DNER: variants seen among roughly 807,000 people sequenced by gnomAD.
DNER encodes the protein delta/notch like EGF repeat containing, also known as delta and Notch-like epidermal growth factor-related receptor.
DNER carries 33 observed loss-of-function variants against 78.2 expected under a neutral mutation model. That is an observed-to-expected ratio of 0.42 (90% CI 0.32 to 0.56). The LOEUF is 0.56. Among genes scored for constraint, DNER ranks in the 20% least tolerant of loss-of-function variants. The probability of loss-of-function intolerance (pLI) is 0.11; values close to 1 mark genes in which losing one functional copy is unlikely to be tolerated. For missense variants in DNER, 918 were observed against 975.3 expected (o/e 0.94, Z 0.78); for synonymous variants, 417 against 384.8 (o/e 1.08, Z -0.98).
intron 7 of DNER, among the ~76,000 whole-genome samples, chr2:229,452,359 G>A (rs1235193770): frequency 6.6e-6 from 1 of 152,158 alleles, no homozygotes; most frequent in Non-Finnish European, 1.5e-5. Flanking sequence ...AGAGCCCAGA[G>A]ACACAATGTA....
chr2:229,491,636 C>T (rs1454858855), intron 6 of DNER, among the ~76,000 whole-genome samples: 1 of 152,168 alleles, frequency 6.6e-6, no homozygotes, highest in Non-Finnish European at 1.5e-5. Flanking sequence ...GAGGCTTTAC[C>T]TAGTCAACCT....
Position 229,680,915 on chromosome 2 carries a change from A to G in DNER, c.276+33233T>C, listed in dbSNP as rs371485684. 1.1e-4 allele frequency among the ~76,000 whole-genome samples: 17 copies of G among 152,340 alleles called. No homozygotes were observed. The East Asian group carries it at 2.5e-3, about 22-fold the overall frequency. ...TGTTCTAGGCACTGCTATAGTAATT[A>G]TGGATACTGATGAAGTCTGCTTTCA... On this transcript the variant is annotated intron_variant, in intron 1 of 12. Coordinates refer to ENST00000341772, the MANE Select transcript of DNER (RefSeq NM_139072.4).
intron 12 of DNER, among the ~76,000 whole-genome samples, chr2:229,362,387 T>C (rs1404408206): frequency 6.6e-6 from 1 of 152,216 alleles, no homozygotes; most frequent in African/African-American, 2.4e-5. Flanking sequence ...GCAACCTTCA[T>C]GCATGTGACG....
chr2:229,542,884 C>T (rs565628806), intron 5 of DNER, among the ~76,000 whole-genome samples: 5 of 151,966 alleles, frequency 3.3e-5, no homozygotes, highest in South Asian at 2.1e-4. Flanking sequence ...CAAGGTGGTG[C>T]GTCTTAGAAT....
At chr2:229,649,095 G>C (rs1698768570) in intron 1 of DNER, among the ~76,000 whole-genome samples, 1 of 152,214 alleles carries the variant, frequency 6.6e-6, no homozygotes, top group African/African-American at 2.4e-5. Context: ...GACGAGGAGA[G>C]AGGAGGAGGC....
intron 5 of DNER, among the ~76,000 whole-genome samples, chr2:229,524,323 T>G (rs1696158349): frequency 6.6e-6 from 1 of 152,190 alleles, no homozygotes; most frequent in Admixed American, 6.5e-5. Context: ...AGGCCTCACT[T>G]CCGTAATAGG....
At chr2:229,544,294 G>A (rs1696575578) in intron 5 of DNER, among the ~76,000 whole-genome samples, 1 of 152,088 alleles carries the variant, frequency 6.6e-6, no homozygotes. Flanking sequence ...TTGGCCTCCT[G>A]GAAGGAGCCT....
chr2:229,421,987 C>T (rs1453981603), intron 8 of DNER, among the ~76,000 whole-genome samples: 1 of 152,092 alleles, frequency 6.6e-6, no homozygotes, highest in Admixed American at 6.6e-5. Flanking sequence ...TCTTTTTATA[C>T]TAGCAATATG....
At chr2:229,437,026 C>A (rs1036987965) in intron 8 of DNER, among the ~76,000 whole-genome samples, 7 of 152,150 alleles carry the variant, frequency 4.6e-5, no homozygotes, top group Admixed American at 3.3e-4. Context: ...AAGCAAAACC[C>A]AATGGTATGC....
intron 8 of DNER, among the ~76,000 whole-genome samples, chr2:229,437,126 A>G (rs894218402): frequency 2.0e-5 from 3 of 152,240 alleles, no homozygotes; most frequent in African/African-American, 7.2e-5. Flanking sequence ...CAGAAAACAT[A>G]AAAAGGCAGG....
chr2:229,472,731 T>C (rs1223993895), intron 7 of DNER, among the ~76,000 whole-genome samples: 1 of 152,232 alleles, frequency 6.6e-6, no homozygotes, highest in Non-Finnish European at 1.5e-5. Flanking sequence ...GCTGTTATCA[T>C]TCAATTAGGT....
At chr2:229,595,837 C>T (rs1389661420) in intron 1 of DNER, among the ~76,000 whole-genome samples, 1 of 152,202 alleles carries the variant, frequency 6.6e-6, no homozygotes, top group African/African-American at 2.4e-5. Flanking sequence ...TGATGAGGAG[C>T]CTGCTTAACA....
chr2:229,575,899 A>G (rs1241901407), intron 4 of DNER, among the ~76,000 whole-genome samples: 1 of 152,224 alleles, frequency 6.6e-6, no homozygotes, highest in Non-Finnish European at 1.5e-5. Flanking sequence ...TTGATTGCTG[A>G]CAATATTAAT....
At chr2:229,388,140 A>T (rs751608883) in intron 11 of DNER, 125 bp downstream of exon 11, 30 of 1,390,602 alleles carry the variant, frequency 2.2e-5, no homozygotes, top group Non-Finnish European at 2.8e-5. Context: ...TCTGGGACTC[A>T]CTGCCTCATC....
At chr2:229,508,447 CA>C (rs1695787874) in intron 6 of DNER, among the ~76,000 whole-genome samples, 1 of 152,034 alleles carries the variant, frequency 6.6e-6, no homozygotes, top group South Asian at 2.1e-4. Flanking sequence ...TTAGTAATAA[CA>C]GTATTAAGTG....
intron 1 of DNER, among the ~76,000 whole-genome samples, chr2:229,657,216 A>T (rs1698928034): frequency 6.6e-6 from 1 of 151,968 alleles, no homozygotes; most frequent in Non-Finnish European, 1.5e-5. Flanking sequence ...TTTAGACTCT[A>T]CCTATAAGTG....
At chr2:229,693,159 G>A (rs1366584274) in intron 1 of DNER, among the ~76,000 whole-genome samples, 3 of 151,844 alleles carry the variant, frequency 2.0e-5, no homozygotes, top group Non-Finnish European at 2.9e-5. Flanking sequence ...ATGATAGTGA[G>A]TGACTTCTCA....
At chr2:229,474,428 T>C (rs1694990030) in intron 7 of DNER, among the ~76,000 whole-genome samples, 1 of 152,174 alleles carries the variant, frequency 6.6e-6, no homozygotes, top group South Asian at 2.1e-4. Context: ...AGATAAACCT[T>C]CGAATAAAAG....
At chr2:229,462,192 T>C (rs1337512035) in intron 7 of DNER, among the ~76,000 whole-genome samples, 1 of 152,088 alleles carries the variant, frequency 6.6e-6, no homozygotes, top group African/African-American at 2.4e-5. Context: ...TGGAATCAGA[T>C]ATTTAAGACC....
Sources: allele counts gnomAD v4.1 joint callset (sites outside exome capture counted in the v4.1 genomes callset), GRCh38; gene constraint gnomAD v4.1.1; transcripts MANE v1.5; gene names NCBI Gene and HGNC (gene_info 2026-07-23, HGNC 2026-07-21).